The following GSR variants were observed in gnomAD, a reference collection of about 807,000 sequenced individuals.
GSR encodes the protein glutathione-disulfide reductase.
Under a neutral mutation model 56.5 loss-of-function variants are expected in GSR, and 48 were observed. The observed-to-expected ratio is 0.85, with a 90% confidence interval of 0.67 to 1.08. The LOEUF (loss-of-function observed/expected upper bound fraction) is 1.08, where lower values mean the gene tolerates loss of function less well. GSR is among the 50% of genes least tolerant of loss of function. GSR has a pLI of 0.00. For synonymous variants in GSR, 264 were observed against 270.8 expected (o/e 0.97, Z 0.25); for missense variants, 694 against 703.3 (o/e 0.99, Z 0.15).
At chr8:30,689,098 A>G in intron 9 of GSR, 63 bp downstream of exon 9, 2 of 1,484,506 alleles carry the variant, frequency 1.3e-6, no homozygotes, top group Non-Finnish European at 1.9e-6. Flanking sequence ...GTCTGGGGGG[A>G]AAATAAAACC....
At chr8:30,703,392 C>G in intron 4 of GSR, 152 bp from the exon 5 acceptor site, 1 of 796,450 alleles carries the variant, frequency 1.3e-6, no homozygotes, top group Non-Finnish European at 2.1e-6. Flanking sequence ...TTCTGTAGAA[C>G]TTCTAACTGG....
chr8:30,685,038 C>A (rs539553198), intron 9 of GSR, among the ~76,000 whole-genome samples: 26 of 151,858 alleles, frequency 1.7e-4, no homozygotes, highest in Non-Finnish European at 3.8e-4. Context: ...AGGCTCTCTG[C>A]AAGCTCTGCC....
intron 7 of GSR, among the ~76,000 whole-genome samples, chr8:30,693,606 G>A (rs1170450861): frequency 1.3e-5 from 2 of 151,678 alleles, no homozygotes; most frequent in Non-Finnish European, 2.9e-5. Flanking sequence ...TCAGCCCACT[G>A]CAACCTCCGC....
In GSR at chr8:30,727,567, GC is replaced by G; in HGVS notation, c.268del (p.Ala90ProfsTer14). 1 of 1,535,144 alleles carries G rather than the reference GC, an allele frequency of 6.5e-7. No individual in the cohort carries two copies. ...CAGCTTGTGGCTCTCCACCACGGCG[GC>G]CCTGGCACCCAGCTCGGCCGCCCTG... ...ARRAAELGAR[A>X]AVVESHKLGG... On this transcript the variant is annotated frameshift_variant, in exon 1 of 13. Coordinates refer to ENST00000221130, the MANE Select transcript of GSR (RefSeq NM_000637.5). LOFTEE classifies it high-confidence loss of function.
intron 10 of GSR, among the ~76,000 whole-genome samples, chr8:30,682,695 T>A (rs1803000282): frequency 1.3e-5 from 2 of 152,234 alleles, no homozygotes; most frequent in Admixed American, 6.5e-5. Context: ...ATTAGCTTTT[T>A]AATACAATAT....
intron 9 of GSR, among the ~76,000 whole-genome samples, chr8:30,685,746 C>T (rs1010759242): frequency 1.3e-5 from 2 of 151,874 alleles, no homozygotes; most frequent in East Asian, 1.9e-4. Flanking sequence ...GAGGCCAAGG[C>T]GGGCGGATCA....
intron 1 of GSR, among the ~76,000 whole-genome samples, chr8:30,720,445 T>C (rs1338261787): frequency 6.6e-6 from 1 of 152,226 alleles, no homozygotes; most frequent in Non-Finnish European, 1.5e-5. Flanking sequence ...TGCAAAACAC[T>C]GTTCTAGGGG....
intron 1 of GSR, among the ~76,000 whole-genome samples, chr8:30,714,194 T>C (rs1052310097): frequency 6.7e-6 from 1 of 149,284 alleles, no homozygotes; most frequent in African/African-American, 2.4e-5. Flanking sequence ...CACATTTTGT[T>C]CTATATGCTT....
intron 8 of GSR, among the ~76,000 whole-genome samples, chr8:30,692,355 C>T (rs1803412417): frequency 6.6e-6 from 1 of 151,314 alleles, no homozygotes; most frequent in Non-Finnish European, 1.5e-5. Flanking sequence ...CGCCACCACG[C>T]CCAGCTAATT....
chr8:30,713,226 G>T (rs1804214222), intron 1 of GSR, among the ~76,000 whole-genome samples: 1 of 144,646 alleles, frequency 6.9e-6, no homozygotes, highest in African/African-American at 2.9e-5. Flanking sequence ...CAGTAGAGAT[G>T]GGGTTTTGCC....
chr8:30,696,654 G>C (rs1312738392), intron 6 of GSR, among the ~76,000 whole-genome samples, 175 bp from the exon 7 acceptor site: 1 of 152,098 alleles, frequency 6.6e-6, no homozygotes, highest in Admixed American at 6.6e-5. Flanking sequence ...ATAAGAAATT[G>C]ACATTGGTAC....
chr8:30,716,358 G>A (rs545789202), intron 1 of GSR, among the ~76,000 whole-genome samples: 2 of 152,330 alleles, frequency 1.3e-5, no homozygotes, highest in East Asian at 1.9e-4. Context: ...GGGGCCTGGG[G>A]CACTGGTTGA....
At chr8:30,679,959 C>T (rs1334991114) in intron 12 of GSR, among the ~76,000 whole-genome samples, 1 of 152,052 alleles carries the variant, frequency 6.6e-6, no homozygotes, top group African/African-American at 2.4e-5. Context: ...CCCACCTCAG[C>T]CTCCCAAAGT....
intron 1 of GSR, among the ~76,000 whole-genome samples, chr8:30,723,736 G>A (rs1804629850): frequency 6.6e-6 from 1 of 151,822 alleles, no homozygotes; most frequent in South Asian, 2.1e-4. Flanking sequence ...AGGTTGCAGT[G>A]AGCCGAGATC....
chr8:30,690,425 G>A (rs1803343265), intron 8 of GSR, among the ~76,000 whole-genome samples: 1 of 152,034 alleles, frequency 6.6e-6, no homozygotes, highest in Non-Finnish European at 1.5e-5. Context: ...GGCCTTGCAA[G>A]TGCTGGGATT....
At chr8:30,681,282 C>T (rs1802947327) in intron 11 of GSR, among the ~76,000 whole-genome samples, 1 of 152,180 alleles carries the variant, frequency 6.6e-6, no homozygotes, top group African/African-American at 2.4e-5. Flanking sequence ...GTAATCCCTG[C>T]ACTTTGAGAG....
chr8:30,727,846 G>A lies in GSR; in HGVS notation c.-11C>T. The A allele has an allele frequency of 8.3e-7, 1 of 1,200,554 alleles. No homozygotes were observed. Among genetic ancestry groups the A allele is most frequent in the Non-Finnish European group, 1.0e-6 (1 of 969,862 alleles). 74.4% of individuals were successfully genotyped at this position (1,200,554 alleles called of 1,614,324 possible). A position where few individuals can be genotyped will look rare whatever the true frequency, so the allele number is the denominator to read the frequency against. ...GGGCAGCAGGGCCATGCACGCGGAAGTGGCGCGCCAAGTGGGGCGGGCGGC... is the reference window on the plus strand; with the variant it reads ...GGGCAGCAGGGCCATGCACGCGGAAATGGCGCGCCAAGTGGGGCGGGCGGC... On this transcript the variant is annotated 5_prime_UTR_variant, in exon 1 of 13. Coordinates refer to ENST00000221130, the MANE Select transcript of GSR (RefSeq NM_000637.5).
chr8:30,727,199 G>A (rs1804756738), intron 1 of GSR, among the ~76,000 whole-genome samples: 1 of 152,244 alleles, frequency 6.6e-6, no homozygotes, highest in Non-Finnish European at 1.5e-5. Flanking sequence ...GCAGTTTTGT[G>A]TTTCACGCGG....
intron 8 of GSR, among the ~76,000 whole-genome samples, chr8:30,690,053 A>G (rs868044719): frequency 7.0e-6 from 1 of 143,654 alleles, no homozygotes; most frequent in African/African-American, 2.5e-5. Flanking sequence ...ATATATAAAT[A>G]TACATATAAA....
Sources: gnomAD v4.1 joint callset for allele counts (sites outside exome capture counted in the v4.1 genomes callset) on GRCh38, gnomAD v4.1.1 for gene constraint, MANE v1.5 for transcripts, NCBI Gene and HGNC (gene_info 2026-07-23, HGNC 2026-07-21) for gene names.